The following FNDC3B variants were observed in gnomAD, a reference collection of about 807,000 sequenced individuals.
FNDC3B encodes fibronectin type III domain containing 3B.
A neutral mutation model predicts 151.5 loss-of-function variants in FNDC3B; 12 were observed. That is an observed-to-expected ratio of 0.08 (90% CI 0.05 to 0.13). FNDC3B has a LOEUF of 0.13. Ranked by LOEUF, FNDC3B falls within the 10% of genes least tolerant of loss-of-function variation. The pLI, the probability that FNDC3B is intolerant of heterozygous loss-of-function variation, is 1.00. For missense variants in FNDC3B, 1,214 were observed against 1,505.3 expected (o/e 0.81, Z 3.20); for synonymous variants, 528 against 549.0 (o/e 0.96, Z 0.54).
At chr3:172,239,767 AG>A (rs1184741879) in intron 4 of FNDC3B, among the ~76,000 whole-genome samples, 1 of 137,994 alleles carries the variant, frequency 7.2e-6, no homozygotes, top group Admixed American at 7.0e-5. Context: ...CTTTTCTGTT[AG>A]CTAAGACAAA....
intron 1 of FNDC3B, among the ~76,000 whole-genome samples, chr3:172,095,430 G>A (rs1045164594): frequency 2.6e-5 from 4 of 152,186 alleles, no homozygotes; most frequent in Non-Finnish European, 4.4e-5. Context: ...CCAAAGTGAA[G>A]GGCCTAGAAC....
chr3:172,367,804 G>T (rs376401427), intron 23 of FNDC3B, among the ~76,000 whole-genome samples: 1 of 152,174 alleles, frequency 6.6e-6, no homozygotes, highest in East Asian at 1.9e-4. Flanking sequence ...TGTTGTTGAG[G>T]TTTAGTCAGA....
chr3:172,255,272 C>CT (rs1312937829), intron 6 of FNDC3B, among the ~76,000 whole-genome samples: 2 of 152,046 alleles, frequency 1.3e-5, no homozygotes, highest in Admixed American at 6.6e-5. Flanking sequence ...CTTCCAGGCT[C>CT]TTTTTTTTCT....
At chr3:172,376,839 C>T (rs543961044) in intron 23 of FNDC3B, among the ~76,000 whole-genome samples, 1 of 139,446 alleles carries the variant, frequency 7.2e-6, no homozygotes, top group Non-Finnish European at 1.5e-5. Flanking sequence ...TTGACTCTGA[C>T]AGGCTTTGTT....
At chr3:172,171,001 T>C (rs933445352) in intron 3 of FNDC3B, among the ~76,000 whole-genome samples, 9 of 152,210 alleles carry the variant, frequency 5.9e-5, no homozygotes, top group Admixed American at 2.6e-4. Flanking sequence ...TTGGAGGACT[T>C]TGCCAGGGGC....
At chr3:172,229,448 T>TC (rs1419797865) in intron 4 of FNDC3B, among the ~76,000 whole-genome samples, 1 of 151,816 alleles carries the variant, frequency 6.6e-6, no homozygotes, top group South Asian at 2.1e-4. Flanking sequence ...GTCCATTATT[T>TC]CCCCCTGTCT....
At chr3:172,361,435 A>G (rs1358493863) in intron 22 of FNDC3B, among the ~76,000 whole-genome samples, 2 of 152,210 alleles carry the variant, frequency 1.3e-5, no homozygotes, top group Non-Finnish European at 2.9e-5. Flanking sequence ...ATTTTGCCAG[A>G]TACCCTAAGT....
At chr3:172,228,745 A>G (rs1726720977) in intron 4 of FNDC3B, among the ~76,000 whole-genome samples, 1 of 152,204 alleles carries the variant, frequency 6.6e-6, no homozygotes, top group African/African-American at 2.4e-5. Flanking sequence ...TGAATTGAAA[A>G]AGGGAAAGAA....
intron 4 of FNDC3B, among the ~76,000 whole-genome samples, chr3:172,236,461 A>G (rs1727169259): frequency 6.6e-6 from 1 of 152,214 alleles, no homozygotes; most frequent in Non-Finnish European, 1.5e-5. Context: ...GGTCTGTGCC[A>G]AGTGTTTTAT....
chr3:172,184,536 A>G (rs1333361271), intron 3 of FNDC3B, among the ~76,000 whole-genome samples: 1 of 151,798 alleles, frequency 6.6e-6, no homozygotes, highest in Admixed American at 6.6e-5. Context: ...ACAGACAAAA[A>G]CCCCCTCAAA....
At chr3:172,093,550 GCCCGGC>G (rs1444727466) in intron 1 of FNDC3B, among the ~76,000 whole-genome samples, 2 of 151,990 alleles carry the variant, frequency 1.3e-5, no homozygotes, top group Non-Finnish European at 2.9e-5. Flanking sequence ...GAGTCACCGC[GCCCGGC>G]CCCATCTAAT....
intron 25 of FNDC3B, among the ~76,000 whole-genome samples, chr3:172,392,742 G>A (rs1736069409): frequency 6.8e-6 from 1 of 146,596 alleles, no homozygotes; most frequent in South Asian, 2.2e-4. Flanking sequence ...TTAATGGGTA[G>A]AATTATTTGG....
chr3:172,230,338 CAA>C (rs35470086), intron 4 of FNDC3B, among the ~76,000 whole-genome samples: 7 of 130,142 alleles, frequency 5.4e-5, no homozygotes, highest in Admixed American at 7.6e-5. Flanking sequence ...ACTAAAAATA[CAA>C]AAAAAAAAAA....
At chr3:172,294,616 C>G (rs923824429) in intron 7 of FNDC3B, among the ~76,000 whole-genome samples, 1 of 152,156 alleles carries the variant, frequency 6.6e-6, no homozygotes, top group African/African-American at 2.4e-5. Flanking sequence ...AAATCCAAAC[C>G]GTATCAGGAA....
chr3:172,062,897 G>A (rs1310156947), intron 1 of FNDC3B, among the ~76,000 whole-genome samples: 1 of 152,034 alleles, frequency 6.6e-6, no homozygotes, highest in Non-Finnish European at 1.5e-5. Flanking sequence ...TTAAGTGAAT[G>A]TAGGCAGAGT....
chr3:172,302,894 G>A (rs1201171336), intron 9 of FNDC3B: 4 of 140,686 alleles, frequency 2.8e-5, no homozygotes, highest in African/African-American at 1.1e-4. Context: ...GTGTGCATGT[G>A]TGTGAGAGTG....
At chr3:172,280,180 G>A (rs1229885406) in intron 6 of FNDC3B, among the ~76,000 whole-genome samples, 1 of 152,192 alleles carries the variant, frequency 6.6e-6, no homozygotes, top group Non-Finnish European at 1.5e-5. Context: ...CTCCCAAAGT[G>A]CTGGGATTAC....
At chr3:172,190,678 G>GTT (rs569990218) in intron 3 of FNDC3B, among the ~76,000 whole-genome samples, 1 of 148,534 alleles carries the variant, frequency 6.7e-6, no homozygotes, top group African/African-American at 2.6e-5. Context: ...GTTTTGTTTT[G>GTT]TTTTTTTGAG....
Position 172,339,422 on chromosome 3 carries a change from G to GGCTAATTACAGGCACA in FNDC3B, c.1853-1691_1853-1690insGCTAATTACAGGCACA, listed in dbSNP as rs2108302619. On this transcript the variant is annotated intron_variant, in intron 16 of 25. Transcript: ENST00000415807. The stretch of plus-strand genomic sequence containing the variant: ...TAGAAAAAATACAAAAATTAGCTGG[G>GGCTAATTACAGGCACA]TGTGGTGGCATGTGCCTGTAATTCC... Among the ~76,000 whole-genome samples, 3 of 152,172 alleles carry GGCTAATTACAGGCACA rather than the reference G, an allele frequency of 2.0e-5. No individual in the cohort carries two copies. In the South Asian group the frequency reaches 6.2e-4, roughly 32 times the overall value.
Sources: allele counts gnomAD v4.1 joint callset (sites outside exome capture counted in the v4.1 genomes callset), GRCh38; gene constraint gnomAD v4.1.1; transcripts MANE v1.5; gene names NCBI Gene and HGNC (gene_info 2026-07-23, HGNC 2026-07-21).